Variants in RAB12 observed in about 807,000 individuals in gnomAD.
The protein encoded by RAB12 is RAB12, member RAS oncogene family.
In RAB12, 11 loss-of-function variants were observed where a neutral mutation model predicts 28.4. The observed-to-expected ratio is 0.39, with a 90% CI of 0.24 to 0.64. The LOEUF is 0.64. RAB12 is among the 30% of genes least tolerant of loss of function. The pLI, the probability that RAB12 is intolerant of heterozygous loss-of-function variation, is 0.50. For synonymous variants in RAB12, 138 were observed against 145.3 expected (o/e 0.95, Z 0.36); for missense variants, 276 against 351.1 (o/e 0.79, Z 1.71).
Position 8,609,764 on chromosome 18 carries a change from G to A in RAB12, c.325G>A (p.Gly109Ser), listed in dbSNP as rs889464653. Residue 109 changes from glycine (G) to serine (S), a missense_variant, in exon 1 of 6, where the codon GGC becomes AGC. Gly to Ser is a moderately conservative substitution (Grantham distance 56). Transcript: ENST00000649141. ...PGAALQRRAG[G>S]GGGLGAGSPA... Reference sequence around the variant, plus strand: ...CGCCGCGCTGCAGAGGCGGGCCGGGGGCGGCGGCGGTCTGGGCGCGGGCTC... The same window carrying A: ...CGCCGCGCTGCAGAGGCGGGCCGGGAGCGGCGGCGGTCTGGGCGCGGGCTC... 155 of 1,268,312 alleles carry A rather than the reference G, an allele frequency of 1.2e-4. No homozygotes were observed. The African/African-American group carries it at 2.2e-3, about 18-fold the overall frequency. 78.6% of individuals were successfully genotyped at this position (1,268,312 alleles called of 1,614,324 possible).
intron 1 of RAB12, among the ~76,000 whole-genome samples, chr18:8,622,494 G>A (rs1305966387): frequency 6.6e-6 from 1 of 152,194 alleles, no homozygotes; most frequent in Non-Finnish European, 1.5e-5. Flanking sequence ...GTTTTTATTA[G>A]GGATTTTCAA....
intron 1 of RAB12, among the ~76,000 whole-genome samples, chr18:8,615,773 G>A (rs1226437544): frequency 6.6e-6 from 1 of 152,240 alleles, no homozygotes; most frequent in African/African-American, 2.4e-5. Context: ...GTTGGTGTTA[G>A]GTTGTTTATG....
At chr18:8,632,429 C>A (rs761421727) in intron 2 of RAB12, among the ~76,000 whole-genome samples, 5 of 152,138 alleles carry the variant, frequency 3.3e-5, no homozygotes, top group Non-Finnish European at 7.3e-5. Flanking sequence ...CGGACCCAGA[C>A]AGAGGCATTC....
chr18:8,609,936 C>T lies in RAB12; in HGVS notation c.497C>T (p.Ala166Val). ...ERFTDDTFCE[A>V]CKSTVGVDFK... is the part of the protein sequence containing the mutation. ...TTCACCGACGACACCTTCTGCGAGG[C>T]CTGCAAGTCCACCGTGGGTAAGGGC... is the stretch of plus-strand genomic sequence containing the variant. The change falls in exon 1 of 6, where the codon GCC becomes GTC. Residue 166 changes from alanine to valine, a missense_variant. Ala to Val is a moderately conservative substitution (Grantham distance 64). Around this residue, in one of 4 missense-constraint regions of RAB12, gnomAD observed 76 missense variants for 117.9 expected, o/e 0.64. Transcript: ENST00000649141. 6.2e-7 allele frequency: 1 copy of T among 1,608,432 alleles called. No individual in the cohort carries two copies.
At chr18:8,626,029 A>T (rs2096012457) in intron 2 of RAB12, among the ~76,000 whole-genome samples, 1 of 152,142 alleles carries the variant, frequency 6.6e-6, no homozygotes, top group Admixed American at 6.5e-5. Flanking sequence ...TCACTGTATA[A>T]CACACTTCTA....
intron 3 of RAB12, 161 bp from the exon 4 acceptor site, chr18:8,635,372 A>G (rs2148712005): frequency 3.5e-6 from 2 of 570,638 alleles, no homozygotes; most frequent in East Asian, 3.2e-5. Context: ...CCTGCCTTGC[A>G]CTGCTGCCCA....
chr18:8,620,838 T>C (rs921388412), intron 1 of RAB12, among the ~76,000 whole-genome samples: 1 of 152,012 alleles, frequency 6.6e-6, no homozygotes. Context: ...AACTGGAACA[T>C]AGATAAAGAC....
rs1303687694 is a variant in RAB12, at chr18:8,609,657, C to G, written c.218C>G (p.Pro73Arg). The G allele has an allele frequency of 1.9e-5, 16 of 828,650 alleles. No homozygotes were observed. In the South Asian group the frequency reaches 6.8e-4, roughly 35 times the overall value. 51.3% of individuals were successfully genotyped at this position (828,650 alleles called of 1,614,324 possible). Residue 73 changes from proline (P) to arginine (R), a missense_variant, in exon 1 of 6, where the codon CCG becomes CGG. By Grantham distance (103) the Pro-to-Arg change is moderately radical (BLOSUM62 -2). Transcript: ENST00000649141. ...CGCGCGGCGGAGGCCGAGGGGGCGCCGGGGCCCGGGGCGCGCAGCCGGGGG... is the reference window on the plus strand; with the variant it reads ...CGCGCGGCGGAGGCCGAGGGGGCGCGGGGGCCCGGGGCGCGCAGCCGGGGG... ...PPRAAEAEGAPGPGARSRGAG... is the reference protein window; with the variant it reads ...PPRAAEAEGARGPGARSRGAG...
intron 2 of RAB12, among the ~76,000 whole-genome samples, chr18:8,625,482 G>A (rs1598311076): frequency 1.3e-5 from 2 of 152,156 alleles, no homozygotes; most frequent in African/African-American, 4.8e-5. Context: ...CCTTCCGGCT[G>A]TACTGCTGAT....
At chr18:8,632,284 A>G (rs1248575982) in intron 2 of RAB12, among the ~76,000 whole-genome samples, 37 of 129,576 alleles carry the variant, frequency 2.9e-4, no homozygotes, top group African/African-American at 1.1e-3. Context: ...TCTGTCTCCA[A>G]AAAAAAAAAA....
chr18:8,632,953 T>A (rs1214912742), intron 2 of RAB12: 8 of 493,706 alleles, frequency 1.6e-5, no homozygotes, highest in Non-Finnish European at 2.8e-5. Flanking sequence ...TCATAATCCA[T>A]CTCCATTAAT....
intron 3 of RAB12, among the ~76,000 whole-genome samples, chr18:8,634,238 G>A (rs2096017592): frequency 2.2e-5 from 2 of 89,040 alleles, no homozygotes; most frequent in African/African-American, 3.2e-5. Flanking sequence ...CCAGGAGGTC[G>A]AGACCAGCCT....
At chr18:8,631,072 A>G (rs568817745) in intron 2 of RAB12, among the ~76,000 whole-genome samples, 1 of 152,298 alleles carries the variant, frequency 6.6e-6, no homozygotes, top group African/African-American at 2.4e-5. Flanking sequence ...TATTTTTAGT[A>G]GAGACGGGGG....
chr18:8,617,040 G>T (rs1279656112), intron 1 of RAB12, among the ~76,000 whole-genome samples: 1 of 152,200 alleles, frequency 6.6e-6, no homozygotes, highest in Non-Finnish European at 1.5e-5. Flanking sequence ...GTAAGTTTCA[G>T]CTCCAGGACA....
intron 1 of RAB12, among the ~76,000 whole-genome samples, chr18:8,623,117 C>G (rs1421901669): frequency 1.3e-5 from 2 of 152,138 alleles, no homozygotes; most frequent in African/African-American, 4.8e-5. Flanking sequence ...ATACATCCTC[C>G]TCGGCTTACA....
rs143911860 is a variant in RAB12, at chr18:8,638,527, A to G, written c.*265A>G. 93 of 336,918 alleles carry G rather than the reference A, an allele frequency of 2.8e-4. No homozygotes were observed. Among genetic ancestry groups the G allele is most frequent in the African/African-American group, 1.7e-3 (79 of 46,996 alleles). 20.9% of individuals were successfully genotyped at this position (336,918 alleles called of 1,614,324 possible). On this transcript the variant is annotated 3_prime_UTR_variant, in exon 6 of 6. Transcript: ENST00000649141. ...AAACCTAGTACTTCTAATATGAAGAATGGGAGAAATGAAAGGTATAATGTT... is the reference window on the plus strand; with the variant it reads ...AAACCTAGTACTTCTAATATGAAGAGTGGGAGAAATGAAAGGTATAATGTT...
At chr18:8,618,944 C>T (rs2096008256) in intron 1 of RAB12, among the ~76,000 whole-genome samples, 1 of 152,140 alleles carries the variant, frequency 6.6e-6, no homozygotes, top group African/African-American at 2.4e-5. Flanking sequence ...CTCTCTGTAA[C>T]CTTAACATGT....
At chr18:8,610,145 C>T in intron 1 of RAB12, 192 bp downstream of exon 1, 1 of 511,282 alleles carries the variant, frequency 2.0e-6, no homozygotes, top group Non-Finnish European at 3.5e-6. Flanking sequence ...TTCGTGCCGC[C>T]TCCGGGCAGA....
intron 1 of RAB12, among the ~76,000 whole-genome samples, chr18:8,616,377 G>GT (rs2096006666): frequency 1.7e-5 from 2 of 119,398 alleles, no homozygotes; most frequent in Admixed American, 1.8e-4. Flanking sequence ...GAGTGTGATT[G>GT]TTAAAAAAAA....
Sources: allele counts gnomAD v4.1 joint callset (sites outside exome capture counted in the v4.1 genomes callset), GRCh38; gene constraint gnomAD v4.1.1; regional missense constraint gnomAD v4.1.1; transcripts MANE v1.5; gene names NCBI Gene and HGNC (gene_info 2026-07-23, HGNC 2026-07-21).